UBE2D3: variants seen among roughly 807,000 people sequenced by gnomAD.
UBE2D3 encodes the protein ubiquitin conjugating enzyme E2 D3.
Under a neutral mutation model 22.8 loss-of-function variants are expected in UBE2D3, and 2 were observed. The observed-to-expected ratio is 0.09, with a 90% CI of 0.04 to 0.28. The LOEUF is 0.28. UBE2D3 is among the 10% of genes least tolerant of loss of function. The probability of loss-of-function intolerance (pLI) is 1.00; values close to 1 mark genes in which losing one functional copy is unlikely to be tolerated. For missense variants in UBE2D3, 27 were observed against 182.5 expected (o/e 0.15, Z 4.91); for synonymous variants, 56 against 60.4 (o/e 0.93, Z 0.34).
chr4:102,799,553 A>T lies in UBE2D3; in HGVS notation c.305-53T>A. 9.0e-6 allele frequency: 13 copies of T among 1,441,350 alleles called. 2 individuals carry two copies. The South Asian group carries it at 1.5e-4, about 16-fold the overall frequency. The allele number at this position is 1,441,350 out of a possible 1,614,324, so 89.3% of individuals were successfully genotyped here. A position where few individuals can be genotyped will look rare whatever the true frequency, so the allele number is the denominator to read the frequency against. On this transcript the variant is annotated intron_variant, in intron 6 of 7. Transcript: ENST00000453744. ...CCAGTTTCAGGAGTTTGGATAAATA[A>T]ATTTTTCTAAACCGTGTATTACAAA...
chr4:102,807,239 T>A (rs1727206646), intron 4 of UBE2D3, among the ~76,000 whole-genome samples: 1 of 152,214 alleles, frequency 6.6e-6, no homozygotes, highest in Non-Finnish European at 1.5e-5. Context: ...AGAGCAACCA[T>A]ACTCACAAAA....
At chr4:102,816,020 T>A (rs534852142) in intron 2 of UBE2D3, among the ~76,000 whole-genome samples, 1 of 152,196 alleles carries the variant, frequency 6.6e-6, no homozygotes, top group Non-Finnish European at 1.5e-5. Context: ...TAACATTATA[T>A]GCCCACAGAA....
At chr4:102,810,725 A>T (rs1477752210) in intron 2 of UBE2D3, 2 of 152,336 alleles carry the variant, frequency 1.3e-5, no homozygotes, top group East Asian at 3.9e-4. Flanking sequence ...ACAAGTATGT[A>T]GTTCACTGTT....
In UBE2D3 at chr4:102,827,488, C is replaced by A; in HGVS notation, c.-190G>T. The A allele has an allele frequency of 1.0e-6, 1 of 986,206 alleles. No homozygotes were observed. The highest frequency in any genetic ancestry group is 1.2e-6 in the Non-Finnish European group (1 of 830,180). 61.1% of individuals were successfully genotyped at this position (986,206 alleles called of 1,614,324 possible). A position where few individuals can be genotyped will look rare whatever the true frequency, so the allele number is the denominator to read the frequency against. On this transcript the variant is annotated 5_prime_UTR_variant, in exon 1 of 8. Coordinates refer to ENST00000453744, the MANE Select transcript of UBE2D3 (RefSeq NM_181891.3). ...CCTCCTCCCCGCGCGGCAGCTGGTG[C>A]CTCCCCGGCCCTACGGGGCTCACGC...
chr4:102,849,789 C>A (rs1369767425), intron 1 of UBE2D3, among the ~76,000 whole-genome samples: 1 of 152,192 alleles, frequency 6.6e-6, no homozygotes, highest in African/African-American at 2.4e-5. Flanking sequence ...GTGTTGACCA[C>A]AGTGTGGAGA....
chr4:102,832,003 TAAGA>T (rs1421363394), upstream of UBE2D3, among the ~76,000 whole-genome samples: 1 of 152,192 alleles, frequency 6.6e-6, no homozygotes, highest in Admixed American at 6.5e-5. Context: ...ATGTCATCTA[TAAGA>T]AAGTCTCTTG....
At chr4:102,831,796 G>A (rs1250731208), upstream of UBE2D3, among the ~76,000 whole-genome samples, 6 of 152,110 alleles carry the variant, frequency 3.9e-5, no homozygotes, top group African/African-American at 7.2e-5. Context: ...GGTGAGGCAC[G>A]ATAAAGAGAC....
chr4:102,800,669 G>C (rs577468895), intron 6 of UBE2D3, among the ~76,000 whole-genome samples: 9 of 152,006 alleles, frequency 5.9e-5, no homozygotes, highest in Admixed American at 1.3e-4. Flanking sequence ...TCTCCCTTAA[G>C]TGATTCTACT....
chr4:102,829,610 A>G (rs1162300135), upstream of UBE2D3, among the ~76,000 whole-genome samples: 1 of 152,202 alleles, frequency 6.6e-6, no homozygotes, highest in Non-Finnish European at 1.5e-5. Flanking sequence ...GTCAGTTATT[A>G]AAGTAACCAG....
chr4:102,804,215 A>G (rs1476474739), intron 4 of UBE2D3, among the ~76,000 whole-genome samples: 1 of 152,094 alleles, frequency 6.6e-6, no homozygotes, highest in Non-Finnish European at 1.5e-5. Context: ...AAGCTCGAGT[A>G]AAATGGTGCA....
At chr4:102,833,150 T>G (rs527730423) in intron 1 of UBE2D3, among the ~76,000 whole-genome samples, 29 of 152,052 alleles carry the variant, frequency 1.9e-4, no homozygotes, top group African/African-American at 6.5e-4. Flanking sequence ...ACATGTTTTT[T>G]TTTTTTGCAA....
intron 1 of UBE2D3, among the ~76,000 whole-genome samples, chr4:102,848,467 A>G (rs1434347304): frequency 6.6e-6 from 1 of 152,138 alleles, no homozygotes; most frequent in African/African-American, 2.4e-5. Context: ...CAACGTGGTG[A>G]AACTCTATCT....
At chr4:102,857,212 A>G (rs1445561347) in intron 1 of UBE2D3, among the ~76,000 whole-genome samples, 1 of 152,208 alleles carries the variant, frequency 6.6e-6, no homozygotes, top group Non-Finnish European at 1.5e-5. Flanking sequence ...CTATTCTTTA[A>G]AAAGTCTTTG....
chr4:102,843,439 CTG>C (rs1270633475), intron 1 of UBE2D3: 1 of 152,062 alleles, frequency 6.6e-6, no homozygotes, highest in East Asian at 1.9e-4. Flanking sequence ...ACTCATCAAA[CTG>C]TACAACTGGA....
intron 4 of UBE2D3, 73 bp downstream of exon 4, chr4:102,809,599 C>A (rs951802868): frequency 6.6e-5 from 94 of 1,421,580 alleles, no homozygotes; most frequent in Non-Finnish European, 7.6e-5. Flanking sequence ...ACCTACAGAC[C>A]AAGTTAAAAA....
chr4:102,865,504 A>G (rs1733105638), intron 1 of UBE2D3, among the ~76,000 whole-genome samples: 1 of 151,880 alleles, frequency 6.6e-6, no homozygotes, highest in African/African-American at 2.4e-5. Flanking sequence ...AAAAAAAAAA[A>G]AAAAAGACAT....
intron 1 of UBE2D3, among the ~76,000 whole-genome samples, chr4:102,838,372 T>C (rs532636068): frequency 1.1e-4 from 17 of 152,298 alleles, no homozygotes; most frequent in African/African-American, 4.8e-5. Flanking sequence ...CTTTGGAACA[T>C]GACACAGTAC....
At chr4:102,816,240 A>T (rs933488024) in intron 2 of UBE2D3, among the ~76,000 whole-genome samples, 57 of 152,202 alleles carry the variant, frequency 3.7e-4, no homozygotes, top group African/African-American at 1.3e-3. Context: ...TTGTTCCCTC[A>T]GCTGGGACCC....
intron 1 of UBE2D3, among the ~76,000 whole-genome samples, chr4:102,848,837 T>C (rs867588306): frequency 3.3e-5 from 5 of 151,344 alleles, no homozygotes; most frequent in Admixed American, 6.6e-5. Context: ...GTAAACTAAA[T>C]ATTGTAAGCC....
Sources: gnomAD v4.1 joint callset for allele counts (sites outside exome capture counted in the v4.1 genomes callset) on GRCh38, gnomAD v4.1.1 for gene constraint, MANE v1.5 for transcripts, NCBI Gene and HGNC (gene_info 2026-07-23, HGNC 2026-07-21) for gene names.